The following LY6H variants were observed in gnomAD, a reference collection of about 807,000 sequenced individuals.
LY6H encodes lymphocyte antigen 6H.
A neutral mutation model predicts 14.6 loss-of-function variants in LY6H; 8 were observed. The observed-to-expected ratio is 0.55, with a 90% CI of 0.32 to 0.99. The LOEUF (loss-of-function observed/expected upper bound fraction) is 0.99. Among genes scored for constraint, LY6H ranks in the 50% least tolerant of loss-of-function variants. LY6H has a pLI of 0.04. For synonymous variants in LY6H, 115 were observed against 97.2 expected, an observed-to-expected ratio of 1.18 and a Z score of -1.08; for missense variants, 196 against 219.6, an observed-to-expected ratio of 0.89 and a Z score of 0.68.
rs769005519 is a variant in LY6H, at chr8:143,158,424, G to C, written c.312C>G (p.His104Gln). ...ACCCCATCAGATAGTCTGAGAAAAA[G>C]TGTCGCTTAACGAAGTCACAGGAGG... is the stretch of plus-strand genomic sequence containing the variant. ...CASSCDFVKR[H>Q]FFSDYLMGFI... Residue 104 changes from histidine (H) to glutamine (Q), a missense_variant, in exon 4 of 4, where the codon CAC (histidine) becomes CAG (glutamine). Transcript: ENST00000342752. 7 of 1,614,038 alleles carry C rather than the reference G, an allele frequency of 4.3e-6. No homozygotes were observed. The Admixed American group carries it at 1.0e-4, about 23-fold the overall frequency.
At chr8:143,159,880 C>T (rs2130625966) in intron 1 of LY6H, 171 bp from the exon 2 acceptor site, 8 of 1,138,400 alleles carry the variant, frequency 7.0e-6, no homozygotes, top group East Asian at 6.4e-5. Context: ...CGCCGGGAGA[C>T]GTCTGGCCTC....
In LY6H at chr8:143,158,824, G is replaced by C. The variant is rs151331428; in HGVS notation, c.229C>G (p.Arg77Gly). ...TTACTGCTGCTGGGATCGGTGATTC[G>C]GACACTGGCACACACCGTGTCGGAC... ...QPSDTVCASV[R>G]ITDPSSSRKD... Residue 77 changes from arginine to glycine, a missense_variant, in exon 3 of 4, where the codon CGA becomes GGA. Arg to Gly is a moderately radical substitution (Grantham distance 125). Transcript: ENST00000342752. 2 of 1,596,528 alleles carry C rather than the reference G, an allele frequency of 1.3e-6. No homozygotes were observed. The highest frequency in any genetic ancestry group is 1.7e-5 in the Admixed American group (1 of 59,416).
At position 143,158,003 on chromosome 8, in the gene LY6H, C is replaced by G. The variant is rs958831103; in HGVS notation, c.*247G>C. ...CACTTCCCCTCCGGGACCTGGGGGT[C>G]CCCCCCCACCCTCATCCCCAGGCCT... On this transcript the variant is annotated 3_prime_UTR_variant, in exon 4 of 4. Transcript: ENST00000342752. The G allele has an allele frequency of 4.9e-5, 22 of 447,628 alleles. No individual in the cohort carries two copies. Among genetic ancestry groups the G allele is most frequent in the Non-Finnish European group, 8.2e-5 (21 of 255,980 alleles). The allele number at this position is 447,628 out of a possible 1,614,324, so 27.7% of individuals were successfully genotyped here.
Position 143,158,233 on chromosome 8 carries a change from G to A in LY6H, c.*17C>T, listed in dbSNP as rs548115170. On this transcript the variant is annotated 3_prime_UTR_variant, in exon 4 of 4. Transcript: ENST00000342752. ...TCAGGGGAGCAAGCTCAGAAGCCCCGTGGGAAGGAGGAGACATCAGGGCCC... is the reference window on the plus strand; with the variant it reads ...TCAGGGGAGCAAGCTCAGAAGCCCCATGGGAAGGAGGAGACATCAGGGCCC... 33 of 1,578,388 alleles carry A rather than the reference G, an allele frequency of 2.1e-5. 1 individual carries two copies. Among genetic ancestry groups the A allele is most frequent in the South Asian group, 1.7e-4 (15 of 89,178 alleles).
rs1815549607 is a variant in LY6H, at chr8:143,159,687, C to T, written c.25G>A (p.Ala9Thr). MLAPQRTRAPSPRAAPRPT... is the reference protein window; with the variant it reads MLAPQRTRTPSPRAAPRPT... ...CTGGGGGCGGCGCGGGGGCTTGGGG[C>T]GCGGGTCCTCTGGGGCGCAAGCCTG... is the stretch of plus-strand genomic sequence containing the variant. Residue 9 changes from alanine (A) to threonine (T), a missense_variant, in exon 2 of 4, where the codon GCC (alanine) becomes ACC (threonine). Physicochemically the swap from Ala to Thr is moderately conservative, Grantham distance 58. Coordinates refer to ENST00000342752, the MANE Select transcript of LY6H (RefSeq NM_001135655.2). 1 of 1,388,358 alleles carries T rather than the reference C, an allele frequency of 7.2e-7. No homozygotes were observed. Among genetic ancestry groups the T allele is most frequent in the South Asian group, 1.6e-5 (1 of 61,678 alleles). The allele number at this position is 1,388,358 out of a possible 1,614,324, so 86.0% of individuals were successfully genotyped here.
At chr8:143,159,308 G>A (rs1364974098) in intron 2 of LY6H, 7 of 543,362 alleles carry the variant, frequency 1.3e-5, no homozygotes, top group African/African-American at 5.8e-5. Context: ...AAGGAGGCCC[G>A]GGAGGCTCTC....
Position 143,158,413 on chromosome 8 carries a change from T to C in LY6H, c.323A>G (p.Asp108Gly). The C allele has an allele frequency of 6.2e-7, 1 of 1,613,874 alleles. No individual in the cohort carries two copies. Among genetic ancestry groups the C allele is most frequent in the South Asian group, 1.1e-5 (1 of 91,084 alleles). Residue 108 changes from aspartate (D) to glycine (G), a missense_variant, in exon 4 of 4, where the codon GAC becomes GGC. Asp to Gly is a moderately conservative substitution (Grantham distance 94). Coordinates refer to ENST00000342752, the MANE Select transcript of LY6H (RefSeq NM_001135655.2). The stretch of plus-strand genomic sequence containing the variant: ...AGAGTTAATAAACCCCATCAGATAG[T>C]CTGAGAAAAAGTGTCGCTTAACGAA... ...CDFVKRHFFS[D>G]YLMGFINSGI...
At position 143,159,747 on chromosome 8, in the gene LY6H, C is replaced by A. The variant is rs1486528353; in HGVS notation, c.3-38G>T. The A allele has an allele frequency of 6.8e-6, 9 of 1,329,336 alleles. No individual in the cohort carries two copies. In the African/African-American group the frequency reaches 7.7e-5, roughly 11 times the overall value. 82.3% of individuals were successfully genotyped at this position (1,329,336 alleles called of 1,614,324 possible). A position where few individuals can be genotyped will look rare whatever the true frequency, so the allele number is the denominator to read the frequency against. Reference sequence around the variant, plus strand: ...AGCATCGGTCAGGAGACCCCAAAGACCCTCTCCTTTCCCAGCCTCAGGATG... The same window carrying A: ...AGCATCGGTCAGGAGACCCCAAAGAACCTCTCCTTTCCCAGCCTCAGGATG... On this transcript the variant is annotated intron_variant, in intron 1 of 3. Coordinates refer to ENST00000342752, the MANE Select transcript of LY6H (RefSeq NM_001135655.2).
Position 143,158,322 on chromosome 8 carries a change from C to A in LY6H, c.414G>T (p.Gly138=). 6.2e-7 allele frequency: 1 copy of A among 1,613,776 alleles called. No individual in the cohort carries two copies. Residue 138 remains glycine, a synonymous_variant, in exon 4 of 4, where the codon GGG becomes GGT. Transcript: ENST00000342752. ...CCCCGGCCAGGGCCCAGGGGCTGTG[C>A]CCTGCCCCTGCCGCCCCATTGCACA... ...KDLCNGAAGA[G]HSPWALAGGL... is the part of the protein sequence containing the mutation.
Position 143,158,230 on chromosome 8 carries a change from C to T in LY6H, c.*20G>A, listed in dbSNP as rs748819938. ...GGCTCAGGGGAGCAAGCTCAGAAGC[C>T]CCGTGGGAAGGAGGAGACATCAGGG... On this transcript the variant is annotated 3_prime_UTR_variant, in exon 4 of 4. Coordinates refer to ENST00000342752, the MANE Select transcript of LY6H (RefSeq NM_001135655.2). 2.2e-5 allele frequency: 35 copies of T among 1,567,750 alleles called. 1 individual carries two copies. Among genetic ancestry groups the T allele is most frequent in the South Asian group, 1.2e-4 (11 of 88,768 alleles).
At position 143,158,928 on chromosome 8, in the gene LY6H, C is replaced by T; in HGVS notation, c.131-6G>A. On this transcript the variant is annotated splice_polypyrimidine_tract_variant and splice_region_variant and intron_variant, in intron 2 of 3. Transcript: ENST00000342752. ...CTGGCACCACAGGCCATGAGCTGGG[C>T]AGGGCATGGGGAGGAGGGTGACCAG... The T allele has an allele frequency of 6.2e-7, 1 of 1,613,502 alleles. No individual in the cohort carries two copies. The highest frequency in any genetic ancestry group is 8.5e-7 in the Non-Finnish European group (1 of 1,179,880).
chr8:143,158,659 A>AC, intron 3 of LY6H, 144 bp downstream of exon 3: 1 of 1,243,572 alleles, frequency 8.0e-7, no homozygotes, highest in Non-Finnish European at 1.1e-6. Flanking sequence ...CCAAGGAGCC[A>AC]GGGGGGGACA....
chr8:143,159,633 T>C lies in LY6H; in HGVS notation c.79A>G (p.Met27Val), dbSNP rs1815546979. The change falls in exon 2 of 4, where the codon ATG (methionine) becomes GTG (valine). Residue 27 changes from methionine (M) to valine (V), a missense_variant. Coordinates refer to ENST00000342752, the MANE Select transcript of LY6H (RefSeq NM_001135655.2). Reference sequence around the variant, plus strand: ...AGCAGCGCCAGGCCGAGGCCCTTCATGGCTGCAGGCAGCATGCTCCGGGTG... The same window carrying C: ...AGCAGCGCCAGGCCGAGGCCCTTCACGGCTGCAGGCAGCATGCTCCGGGTG... ...RPTRSMLPAA[M>V]KGLGLALLAV... The C allele has an allele frequency of 4.1e-6, 6 of 1,473,542 alleles. No individual in the cohort carries two copies. The highest frequency in any genetic ancestry group is 4.5e-6 in the Non-Finnish European group (5 of 1,121,412). 91.3% of individuals were successfully genotyped at this position (1,473,542 alleles called of 1,614,324 possible).
intron 2 of LY6H, chr8:143,159,189 C>CTA: frequency 1.7e-6 from 1 of 589,438 alleles, no homozygotes; most frequent in Non-Finnish European, 3.0e-6. Flanking sequence ...CACACACGGG[C>CTA]TATACAGACC....
At position 143,158,911 on chromosome 8, in the gene LY6H, A is replaced by G. The variant is rs1483786957; in HGVS notation, c.142T>C (p.Trp48Arg). Residue 48 changes from tryptophan to arginine, a missense_variant, in exon 3 of 4, where the codon TGG (tryptophan) becomes CGG (arginine). Trp to Arg is a moderately radical substitution (Grantham distance 101, BLOSUM62 -3). Coordinates refer to ENST00000342752, the MANE Select transcript of LY6H (RefSeq NM_001135655.2). ...LLCSAPAHGL[W>R]CQDCTLTTNS... ...GTGGTCAGGGTGCAGTCCTGGCACC[A>G]CAGGCCATGAGCTGGGCAGGGCATG... The G allele has an allele frequency of 1.9e-6, 3 of 1,613,788 alleles. No homozygotes were observed.
rs1815493448 is a variant in LY6H, at chr8:143,158,165, C to A, written c.*85G>T. The A allele has an allele frequency of 1.0e-6, 1 of 990,928 alleles. No individual in the cohort carries two copies. Among genetic ancestry groups the A allele is most frequent in the South Asian group, 1.6e-5 (1 of 61,508 alleles). The allele number at this position is 990,928 out of a possible 1,614,324, so 61.4% of individuals were successfully genotyped here. ...CCACGGAGCTGGGCCAAGGCTGCCCCCAGCCCCAGCCACGCCAGGCTGGGG... is the reference window on the plus strand; with the variant it reads ...CCACGGAGCTGGGCCAAGGCTGCCCACAGCCCCAGCCACGCCAGGCTGGGG... On this transcript the variant is annotated 3_prime_UTR_variant, in exon 4 of 4. Transcript: ENST00000342752.
chr8:143,159,160 GCA>G (rs375977892), intron 2 of LY6H: 742 of 595,748 alleles, frequency 1.2e-3, no homozygotes, highest in Middle Eastern at 2.7e-3. Flanking sequence ...GCACGTGCGT[GCA>G]CACACACACA....
chr8:143,158,746 C>T, intron 3 of LY6H, 57 bp downstream of exon 3: 17 of 1,548,556 alleles, frequency 1.1e-5, no homozygotes, highest in Non-Finnish European at 1.5e-5. Flanking sequence ...ACACCTCTGA[C>T]CTCTCTCAAG....
chr8:143,158,700 C>T, intron 3 of LY6H, 103 bp downstream of exon 3: 3 of 1,450,486 alleles, frequency 2.1e-6, no homozygotes, highest in East Asian at 2.3e-5. Context: ...CCGCCCCACG[C>T]TCTCACTCTC....
Sources: allele counts gnomAD v4.1 joint callset, GRCh38; gene constraint gnomAD v4.1.1; transcripts MANE v1.5; gene names NCBI Gene and HGNC (gene_info 2026-07-23, HGNC 2026-07-21).